Variants in ABCD3 observed in about 807,000 individuals in gnomAD.
ABCD3 encodes the protein ATP-binding cassette sub-family D member 3.
In ABCD3, 41 loss-of-function variants were observed where a neutral mutation model predicts 105.5. The ratio of observed to expected loss-of-function variants is 0.39; its 90% CI spans 0.30 to 0.50. The LOEUF (loss-of-function observed/expected upper bound fraction) is 0.50, where lower values mean the gene tolerates loss of function less well. ABCD3 is among the 20% of genes least tolerant of loss of function. The pLI is 0.84. For missense variants in ABCD3, 622 were observed against 806.3 expected, an observed-to-expected ratio of 0.77 and a Z score of 2.77; for synonymous variants, 258 against 269.0, an observed-to-expected ratio of 0.96 and a Z score of 0.40.
chr1:94,502,545 G>A (rs1008653063), intron 20 of ABCD3, among the ~76,000 whole-genome samples: 1 of 150,010 alleles, frequency 6.7e-6, no homozygotes, highest in Non-Finnish European at 1.5e-5. Flanking sequence ...CGCCCAGGCC[G>A]GAGTGCAGTG....
intron 1 of ABCD3, among the ~76,000 whole-genome samples, chr1:94,452,666 G>A (rs531864043): frequency 2.0e-4 from 30 of 152,072 alleles, no homozygotes; most frequent in Non-Finnish European, 3.7e-4. Context: ...GGTGTAAGTG[G>A]GAATAGTTTG....
chr1:94,393,619 A>G, the ABCD3 span, among the ~76,000 whole-genome samples: 1 of 152,126 alleles, frequency 6.6e-6, no homozygotes, highest in Admixed American at 6.5e-5. Context: ...ACCCTGGGCA[A>G]CAGAGTGAGA....
chr1:94,388,001 A>G, the ABCD3 span, among the ~76,000 whole-genome samples: 14 of 152,158 alleles, frequency 9.2e-5, no homozygotes, highest in Admixed American at 5.2e-4. Flanking sequence ...CTCAAAGGTC[A>G]CATAACTTAG....
intron 9 of ABCD3, chr1:94,482,946 G>A: frequency 1.9e-6 from 1 of 527,642 alleles, no homozygotes; most frequent in African/African-American, 1.9e-5. Flanking sequence ...GCCATAGGTT[G>A]CAGTCCAGCA....
At chr1:94,516,662 A>G (rs1432996451) in intron 22 of ABCD3, among the ~76,000 whole-genome samples, 2 of 151,982 alleles carry the variant, frequency 1.3e-5, no homozygotes, top group African/African-American at 4.8e-5. Context: ...GCTTTCTGAA[A>G]ATAAGCCACT....
chr1:94,450,401 G>C (rs1660533764), intron 1 of ABCD3, among the ~76,000 whole-genome samples: 1 of 152,242 alleles, frequency 6.6e-6, no homozygotes, highest in Non-Finnish European at 1.5e-5. Context: ...TGATGGCCAT[G>C]ATGCCCATGC....
chr1:94,484,717 A>T (rs1649201143), intron 10 of ABCD3, among the ~76,000 whole-genome samples: 1 of 152,172 alleles, frequency 6.6e-6, no homozygotes, highest in Non-Finnish European at 1.5e-5. Context: ...GCACACCAAC[A>T]TGGCAAATGC....
At chr1:94,423,594 T>C (rs752103022) in intron 1 of ABCD3, among the ~76,000 whole-genome samples, 3 of 152,228 alleles carry the variant, frequency 2.0e-5, no homozygotes, top group Non-Finnish European at 4.4e-5. Context: ...AAAGCAGATA[T>C]TTATAGTAGG....
In ABCD3 at chr1:94,515,168, T is replaced by C; in HGVS notation, c.1868T>C (p.Val623Ala). The C allele has an allele frequency of 1.2e-6, 2 of 1,610,586 alleles. No homozygotes were observed. Among genetic ancestry groups the C allele is most frequent in the Non-Finnish European group, 1.7e-6 (2 of 1,177,582 alleles). Residue 623 changes from valine to alanine, a missense_variant, in exon 22 of 23, where the codon GTG (valine) becomes GCG (alanine). Val to Ala is a moderately conservative substitution (Grantham distance 64). Transcript: ENST00000370214. ...CRKVGITLFT[V>A]SHRKSLWKHH... ...TAGGTTGGCATCACTCTCTTCACTGTGTCTCATAGGAAATCTCTTTGGAAA... is the reference window on the plus strand; with the variant it reads ...TAGGTTGGCATCACTCTCTTCACTGCGTCTCATAGGAAATCTCTTTGGAAA...
intron 21 of ABCD3, 146 bp downstream of exon 21, chr1:94,506,788 A>G (rs976484906): frequency 3.3e-6 from 2 of 606,840 alleles, no homozygotes; most frequent in African/African-American, 3.7e-5. Flanking sequence ...GATTTAAAAC[A>G]TATGAATAAA....
rs1477698131 is a variant in ABCD3 at position 94,437,604 on chromosome 1, ATGT to A, written c.110+19021_110+19023del. ...CTAGTGGAGATGTACAAGGAGATTA[ATGT>A]TGTTTTCATGACTGCTTATACAGCA... On this transcript the variant is annotated intron_variant, in intron 1 of 22. Coordinates refer to ENST00000370214, the MANE Select transcript of ABCD3 (RefSeq NM_002858.4). Among the ~76,000 whole-genome samples, 3 of 152,348 alleles carry A rather than the reference ATGT, an allele frequency of 2.0e-5. No homozygotes were observed. In the East Asian group the frequency reaches 5.8e-4, roughly 29 times the overall value.
chr1:94,426,870 TTA>T (rs1398334061), intron 1 of ABCD3, among the ~76,000 whole-genome samples: 28 of 132,434 alleles, frequency 2.1e-4, no homozygotes, highest in African/African-American at 7.3e-4. Context: ...TTTTTTTTTT[TTA>T]AACCTGGGTG....
At chr1:94,475,551 T>TTTG in intron 6 of ABCD3, 63 bp from the exon 7 acceptor site, 1 of 1,535,412 alleles carries the variant, frequency 6.5e-7, no homozygotes, top group Non-Finnish European at 9.0e-7. Flanking sequence ...ATATGATTTT[T>TTTG]TTGTTGTTGT....
intron 1 of ABCD3, among the ~76,000 whole-genome samples, chr1:94,449,755 C>T (rs1660502206): frequency 6.6e-6 from 1 of 151,868 alleles, no homozygotes; most frequent in Non-Finnish European, 1.5e-5. Context: ...TTGCATCTCT[C>T]AGTCTGCGTG....
Position 94,459,207 on chromosome 1 carries a change from GCT to G in ABCD3, c.147+567_147+568del, listed in dbSNP as rs1423607469. On this transcript the variant is annotated intron_variant, in intron 2 of 22. Coordinates refer to ENST00000370214, the MANE Select transcript of ABCD3 (RefSeq NM_002858.4). ...CTGTAGATGTGAGCCACCTTGCCTG[GCT>G]CTGTTTTCTCTAGTACACCCACATA... Among the ~76,000 whole-genome samples, 5 of 151,828 alleles carry G rather than the reference GCT, an allele frequency of 3.3e-5. No homozygotes were observed. The East Asian group carries it at 9.8e-4, about 30-fold the overall frequency.
chr1:94,447,779 G>A (rs1660413290), intron 1 of ABCD3, among the ~76,000 whole-genome samples: 1 of 152,158 alleles, frequency 6.6e-6, no homozygotes, highest in Non-Finnish European at 1.5e-5. Context: ...CCTACTTAGG[G>A]ACCTTAGTAA....
chr1:94,415,598 C>CT (rs1228136884), upstream of ABCD3, among the ~76,000 whole-genome samples: 2 of 152,176 alleles, frequency 1.3e-5, no homozygotes, highest in African/African-American at 4.8e-5. Context: ...GATTTGAACT[C>CT]TTTGAGTCAC....
At chr1:94,483,124 G>A (rs2101011142) in intron 9 of ABCD3, 46 bp from the exon 10 acceptor site, 1 of 1,235,450 alleles carries the variant, frequency 8.1e-7, no homozygotes, top group Non-Finnish European at 1.2e-6. Flanking sequence ...TATTTTCCAA[G>A]CATAGGTAAC....
At chr1:94,388,519 T>G in the ABCD3 span, among the ~76,000 whole-genome samples, 1 of 152,222 alleles carries the variant, frequency 6.6e-6, no homozygotes, top group Non-Finnish European at 1.5e-5. Flanking sequence ...AGGCTATTTT[T>G]CCTAATAGCT....
Sources: allele counts gnomAD v4.1 joint callset (sites outside exome capture counted in the v4.1 genomes callset), GRCh38; gene constraint gnomAD v4.1.1; transcripts MANE v1.5; gene names NCBI Gene and HGNC (gene_info 2026-07-23, HGNC 2026-07-21).